The following PRKD1 variants were observed in gnomAD, a reference collection of about 807,000 sequenced individuals.
PRKD1 encodes the protein protein kinase D1.
PRKD1 carries 63 observed loss-of-function variants against 95.9 expected under a neutral mutation model. The observed-to-expected ratio is 0.66, with a 90% CI of 0.54 to 0.81. The LOEUF is 0.81. PRKD1 is among the 30% of genes least tolerant of loss of function. The pLI is 0.00. For synonymous variants in PRKD1, 425 were observed against 423.1 expected (o/e 1.00, Z -0.05); for missense variants, 1,048 against 1,165.3 (o/e 0.90, Z 1.47).
chr14:29,700,746 A>G (rs964619181), intron 2 of PRKD1, among the ~76,000 whole-genome samples: 1 of 152,174 alleles, frequency 6.6e-6, no homozygotes, highest in Non-Finnish European at 1.5e-5. Context: ...ACCTCGTCCA[A>G]TCAGTTGAAG....
chr14:29,850,373 C>T (rs1010976247), intron 1 of PRKD1, among the ~76,000 whole-genome samples: 2 of 148,084 alleles, frequency 1.4e-5, no homozygotes, highest in Non-Finnish European at 3.0e-5. Context: ...GATACAAAAT[C>T]AATATACAAA....
intron 1 of PRKD1, among the ~76,000 whole-genome samples, chr14:29,851,035 T>C (rs1487340229): frequency 1.3e-5 from 2 of 152,154 alleles, no homozygotes; most frequent in Non-Finnish European, 2.9e-5. Flanking sequence ...GTGGCATAAC[T>C]GGCTAACCAT....
intron 2 of PRKD1, among the ~76,000 whole-genome samples, chr14:29,689,408 A>G (rs887158977): frequency 3.3e-5 from 5 of 152,238 alleles, no homozygotes; most frequent in South Asian, 2.1e-4. Context: ...TCTCAATCAG[A>G]TACCATCTCA....
chr14:29,853,889 T>G (rs928758810), intron 1 of PRKD1, among the ~76,000 whole-genome samples: 3 of 152,120 alleles, frequency 2.0e-5, no homozygotes, highest in Non-Finnish European at 4.4e-5. Flanking sequence ...GCACAAGCTC[T>G]CTCTCTCTGC....
At chr14:29,706,041 G>C (rs890116025) in intron 2 of PRKD1, among the ~76,000 whole-genome samples, 1 of 152,064 alleles carries the variant, frequency 6.6e-6, no homozygotes, top group Non-Finnish European at 1.5e-5. Context: ...CAAAGCAGCT[G>C]CACCATTTTA....
chr14:29,835,128 A>C (rs1287674979), intron 1 of PRKD1, among the ~76,000 whole-genome samples: 1 of 151,774 alleles, frequency 6.6e-6, no homozygotes, highest in Non-Finnish European at 1.5e-5. Flanking sequence ...AAAATGTGTC[A>C]TGTACTCATG....
intron 1 of PRKD1, among the ~76,000 whole-genome samples, chr14:29,772,672 A>G (rs1888563207): frequency 6.6e-6 from 1 of 151,952 alleles, no homozygotes; most frequent in Non-Finnish European, 1.5e-5. Flanking sequence ...GCCTAACATA[A>G]AATGTTTCAT....
Position 29,764,241 on chromosome 14 carries a change from G to A in PRKD1, c.265-38567C>T, listed in dbSNP as rs117201102. ...GGAAGAACTGCCAATTTTCAGTAATGATGAACTAAATTTTCAGAACAATCT... is the reference window on the plus strand; with the variant it reads ...GGAAGAACTGCCAATTTTCAGTAATAATGAACTAAATTTTCAGAACAATCT... On this transcript the variant is annotated intron_variant, in intron 1 of 17. Coordinates refer to ENST00000331968, the MANE Select transcript of PRKD1 (RefSeq NM_002742.3). 1.3e-4 allele frequency among the ~76,000 whole-genome samples: 20 copies of A among 151,766 alleles called. No homozygotes were observed. In the East Asian group the frequency reaches 3.7e-3, roughly 28 times the overall value.
At chr14:29,628,232 T>C (rs1451648685) in intron 11 of PRKD1, among the ~76,000 whole-genome samples, 1 of 152,238 alleles carries the variant, frequency 6.6e-6, no homozygotes, top group Non-Finnish European at 1.5e-5. Context: ...TTTTCAGAAA[T>C]ATAATAAGGA....
intron 2 of PRKD1, among the ~76,000 whole-genome samples, chr14:29,683,033 G>C (rs566836046): frequency 1.7e-3 from 256 of 152,296 alleles, no homozygotes; most frequent in Admixed American, 4.2e-3. Context: ...AGCAGATAGT[G>C]AACGGGAAAG....
intron 4 of PRKD1, among the ~76,000 whole-genome samples, chr14:29,645,294 C>G (rs1881052033): frequency 6.6e-6 from 1 of 152,058 alleles, no homozygotes; most frequent in South Asian, 2.1e-4. Flanking sequence ...GATTTCTAAC[C>G]AGCTTGTCTG....
intron 1 of PRKD1, among the ~76,000 whole-genome samples, chr14:29,909,318 G>A (rs1297157033): frequency 3.1e-5 from 2 of 63,894 alleles, no homozygotes; most frequent in African/African-American, 1.2e-4. Context: ...CTCCTGCACA[G>A]CCCGAGCCTC....
intron 16 of PRKD1, among the ~76,000 whole-genome samples, chr14:29,579,435 C>T (rs1460250077): frequency 6.6e-6 from 1 of 152,092 alleles, no homozygotes; most frequent in Non-Finnish European, 1.5e-5. Flanking sequence ...GATGGCTCTT[C>T]CTACCAAAAA....
At chr14:29,895,194 G>A (rs1894080318) in intron 1 of PRKD1, among the ~76,000 whole-genome samples, 1 of 152,072 alleles carries the variant, frequency 6.6e-6, no homozygotes, top group Non-Finnish European at 1.5e-5. Context: ...GCGGACACCT[G>A]TAATCTCAGC....
chr14:29,828,627 A>T (rs1891287928), intron 1 of PRKD1, among the ~76,000 whole-genome samples: 1 of 152,186 alleles, frequency 6.6e-6, no homozygotes, highest in South Asian at 2.1e-4. Context: ...TCATAAAGAA[A>T]TTCAACAGAT....
intron 1 of PRKD1, among the ~76,000 whole-genome samples, chr14:29,805,643 A>G (rs1216030989): frequency 1.3e-5 from 2 of 152,210 alleles, no homozygotes; most frequent in Non-Finnish European, 2.9e-5. Flanking sequence ...GAACTAGAGT[A>G]TTGCATTTTT....
intron 2 of PRKD1, among the ~76,000 whole-genome samples, chr14:29,675,693 G>C (rs1349280140): frequency 6.6e-6 from 1 of 151,932 alleles, no homozygotes; most frequent in South Asian, 2.1e-4. Context: ...CGTTTATTGT[G>C]GCACTAGTCA....
intron 1 of PRKD1, among the ~76,000 whole-genome samples, chr14:29,829,010 C>A (rs1891302413): frequency 1.3e-5 from 2 of 152,176 alleles, no homozygotes; most frequent in Admixed American, 6.5e-5. Flanking sequence ...GGGCCTCTCA[C>A]AGAAACCAGA....
Position 29,700,255 on chromosome 14 carries a change from A to G in PRKD1, c.403+25281T>C, listed in dbSNP as rs116920896. Among the ~76,000 whole-genome samples the G allele has an allele frequency of 2.1e-3, 314 of 152,270 alleles. 2 individuals are homozygous for G. In the East Asian group the frequency reaches 0.036, roughly 17 times the overall value. ...TTGAAACTAACAATTTCAATTATCAATATCACCTAATTTCTACTCCATAAA... is the reference window on the plus strand; with the variant it reads ...TTGAAACTAACAATTTCAATTATCAGTATCACCTAATTTCTACTCCATAAA... On this transcript the variant is annotated intron_variant, in intron 2 of 17. Coordinates refer to ENST00000331968, the MANE Select transcript of PRKD1 (RefSeq NM_002742.3).
Sources: allele counts gnomAD v4.1 joint callset (sites outside exome capture counted in the v4.1 genomes callset), GRCh38; gene constraint gnomAD v4.1.1; transcripts MANE v1.5; gene names NCBI Gene and HGNC (gene_info 2026-07-23, HGNC 2026-07-21).